The following ZNF624 variants were observed in gnomAD, a reference collection of about 807,000 sequenced individuals.
ZNF624 encodes the protein zinc finger protein 624.
Under a neutral mutation model 74.7 loss-of-function variants are expected in ZNF624, and 43 were observed. The ratio of observed to expected loss-of-function variants is 0.58; its 90% CI spans 0.45 to 0.74. The LOEUF (loss-of-function observed/expected upper bound fraction) is 0.74, where lower values mean the gene tolerates loss of function less well. ZNF624 is among the 30% of genes least tolerant of loss of function. ZNF624 has a pLI of 0.00. For synonymous variants in ZNF624, 331 were observed against 341.3 expected (o/e 0.97, Z 0.33); for missense variants, 820 against 1,030.0 (o/e 0.80, Z 2.79).
chr17:16,631,738 T>A (rs1484778555), intron 5 of ZNF624: 2 of 150,808 alleles, frequency 1.3e-5, no homozygotes, highest in African/African-American at 4.9e-5. Context: ...AAAAAAAGAG[T>A]CAAGTAAGAT....
Position 16,622,952 on chromosome 17 carries a change from C to G in ZNF624, c.1934G>C (p.Cys645Ser). The change falls in exon 6 of 6, where the codon TGT becomes TCT. Residue 645 changes from cysteine to serine, a missense_variant. Coordinates refer to ENST00000311331, the MANE Select transcript of ZNF624 (RefSeq NM_020787.4). Reference protein sequence around the residue: ...TGVKPYKCYDCGKSFRTKSYL... With the variant: ...TGVKPYKCYDSGKSFRTKSYL... ...TGATTTAGTCCTAAAGGACTTTCCA[C>G]AGTCATAACATTTATAGGGTTTCAC... is the stretch of plus-strand genomic sequence containing the variant. 1.2e-6 allele frequency: 2 copies of G among 1,614,022 alleles called. No homozygotes were observed. The highest frequency in any genetic ancestry group is 1.1e-5 in the South Asian group (1 of 91,072).
chr17:16,622,458 AT>A lies in ZNF624; in HGVS notation c.2427del (p.Lys809AsnfsTer19). On this transcript the variant is annotated frameshift_variant, in exon 6 of 6. Transcript: ENST00000311331. LOFTEE classifies it high-confidence loss of function. ...QRIHTGERPY[K>X]CEECGKAFRT... is the part of the protein sequence containing the mutation. ...CTGAAGGCTTTTCCACATTCTTCAC[AT>A]TTATAGGGCCTCTCCCCAGTATGAA... 1 of 1,614,050 alleles carries A rather than the reference AT, an allele frequency of 6.2e-7. No homozygotes were observed. The highest frequency in any genetic ancestry group is 8.5e-7 in the Non-Finnish European group (1 of 1,179,956).
intron 3 of ZNF624, among the ~76,000 whole-genome samples, chr17:16,637,535 C>G (rs535076321): frequency 1.5e-3 from 229 of 152,228 alleles, no homozygotes; most frequent in Admixed American, 5.7e-3. Context: ...ATCAATGGAA[C>G]AGAACAGAGC....
At chr17:16,618,599 G>C (rs1224961041), downstream of ZNF624, among the ~76,000 whole-genome samples, 1 of 152,094 alleles carries the variant, frequency 6.6e-6, no homozygotes, top group Non-Finnish European at 1.5e-5. Flanking sequence ...TTACCCTTGA[G>C]CACAAGTTTT....
At chr17:16,616,793 TGCCTAAGCAGGAA>T, downstream of ZNF624, 1 of 866,476 alleles carries the variant, frequency 1.2e-6, no homozygotes, top group Non-Finnish European at 1.8e-6. Flanking sequence ...GAAGAGTAAC[TGCCTAAGCAGGAA>T]AGTGTTCCAT....
intron 5 of ZNF624, among the ~76,000 whole-genome samples, chr17:16,631,867 A>G (rs1484069199): frequency 1.3e-5 from 2 of 152,230 alleles, no homozygotes; most frequent in African/African-American, 4.8e-5. Context: ...ATAAACCGAT[A>G]GTATGCCAAT....
At chr17:16,645,580 GTAAAA>G (rs1477166823) in intron 3 of ZNF624, among the ~76,000 whole-genome samples, 1 of 148,034 alleles carries the variant, frequency 6.8e-6, no homozygotes, top group Non-Finnish European at 1.5e-5. Flanking sequence ...ACATGTACCT[GTAAAA>G]TAAAAGACAT....
downstream of ZNF624, chr17:16,617,835 T>G: frequency 6.2e-7 from 1 of 1,611,660 alleles, no homozygotes; most frequent in East Asian, 2.2e-5. Flanking sequence ...CTGGATGGCC[T>G]TCTCCTGGAC....
intron 5 of ZNF624, among the ~76,000 whole-genome samples, chr17:16,628,776 A>T (rs1026666451): frequency 4.6e-5 from 6 of 129,996 alleles, no homozygotes; most frequent in African/African-American, 1.1e-4. Context: ...CACAAGAGAT[A>T]AAAAAAAAAA....
the ZNF624 span, among the ~76,000 whole-genome samples, chr17:16,615,278 T>C: frequency 6.6e-6 from 1 of 152,134 alleles, no homozygotes; most frequent in Non-Finnish European, 1.5e-5. Flanking sequence ...TTTGTATTTT[T>C]AGCAGAGATG....
chr17:16,617,443 T>C, downstream of ZNF624: 1 of 1,612,532 alleles, frequency 6.2e-7, no homozygotes, highest in South Asian at 1.1e-5. Context: ...TACACCCTCA[T>C]TTGTTCCTTC....
intron 5 of ZNF624, 26 bp from the exon 6 acceptor site, chr17:16,624,535 G>A (rs1394887679): frequency 6.5e-7 from 1 of 1,533,296 alleles, no homozygotes; most frequent in East Asian, 2.3e-5. Flanking sequence ...GAAAAATCAA[G>A]TAATTCCTTT....
chr17:16,625,267 C>T (rs539669988), intron 5 of ZNF624, among the ~76,000 whole-genome samples: 401 of 152,220 alleles, frequency 2.6e-3, no homozygotes, highest in Non-Finnish European at 4.7e-3. Context: ...CTGCAACCTC[C>T]ACCTCCTGGG....
intron 3 of ZNF624, among the ~76,000 whole-genome samples, chr17:16,635,095 A>G (rs1909296522): frequency 1.3e-5 from 2 of 152,216 alleles, no homozygotes; most frequent in South Asian, 2.1e-4. Context: ...AAAATACTTG[A>G]TAACAGCCAG....
At chr17:16,650,208 A>T (rs1293487393) in intron 1 of ZNF624, among the ~76,000 whole-genome samples, 2 of 152,132 alleles carry the variant, frequency 1.3e-5, no homozygotes, top group African/African-American at 4.8e-5. Flanking sequence ...TAACAATTAA[A>T]TATTCTAAGA....
chr17:16,642,353 T>A (rs1176649612), intron 3 of ZNF624, among the ~76,000 whole-genome samples: 1 of 152,192 alleles, frequency 6.6e-6, no homozygotes, highest in Non-Finnish European at 1.5e-5. Context: ...GAACTGACAG[T>A]CTAGGAATAA....
At chr17:16,629,989 A>G (rs1358693263) in intron 5 of ZNF624, among the ~76,000 whole-genome samples, 4 of 152,234 alleles carry the variant, frequency 2.6e-5, no homozygotes, top group Non-Finnish European at 5.9e-5. Context: ...CTTGGTTAAT[A>G]TGTTGCCTAT....
At chr17:16,620,281 CAT>C (rs1908875306), downstream of ZNF624, among the ~76,000 whole-genome samples, 1 of 152,292 alleles carries the variant, frequency 6.6e-6, no homozygotes, top group East Asian at 1.9e-4. Context: ...AGAAGTATTT[CAT>C]AGTGTTCCCA....
intron 5 of ZNF624, among the ~76,000 whole-genome samples, chr17:16,630,106 G>C (rs1277587571): frequency 6.6e-6 from 1 of 152,088 alleles, no homozygotes; most frequent in East Asian, 1.9e-4. Flanking sequence ...GAAAAGTTTA[G>C]ACAGATGGTT....
Sources: gnomAD v4.1 joint callset for allele counts (sites outside exome capture counted in the v4.1 genomes callset) on GRCh38, gnomAD v4.1.1 for gene constraint, MANE v1.5 for transcripts, NCBI Gene and HGNC (gene_info 2026-07-23, HGNC 2026-07-21) for gene names.